The following RAB27B variants were observed in gnomAD, a reference collection of about 807,000 sequenced individuals.
RAB27B encodes the protein ras-related protein Rab-27B.
RAB27B carries 15 observed loss-of-function variants against 24.6 expected under a neutral mutation model. That is an observed-to-expected ratio of 0.61 (90% CI 0.41 to 0.94). The LOEUF (loss-of-function observed/expected upper bound fraction) is 0.94, where lower values mean the gene tolerates loss of function less well. Ranked by LOEUF, RAB27B falls within the 40% of genes least tolerant of loss-of-function variation. The pLI, the probability that RAB27B is intolerant of heterozygous loss-of-function variation, is 0.00. For missense variants in RAB27B, 261 were observed against 266.8 expected, an observed-to-expected ratio of 0.98 and a Z score of 0.15; for synonymous variants, 105 against 92.5, an observed-to-expected ratio of 1.14 and a Z score of -0.78.
chr18:54,847,289 T>A (rs1396982146), intron 1 of RAB27B, among the ~76,000 whole-genome samples: 1 of 152,184 alleles, frequency 6.6e-6, no homozygotes, highest in Non-Finnish European at 1.5e-5. Context: ...CTACTGCACA[T>A]GTGAAATTAT....
intron 1 of RAB27B, among the ~76,000 whole-genome samples, chr18:54,839,315 G>C (rs930071083): frequency 6.6e-6 from 1 of 152,064 alleles, no homozygotes; most frequent in Admixed American, 6.6e-5. Flanking sequence ...TGCAAATTCT[G>C]TTTTTTCCTA....
intron 2 of RAB27B, among the ~76,000 whole-genome samples, chr18:54,778,465 A>T (rs983969570): frequency 1.3e-5 from 2 of 152,304 alleles, no homozygotes; most frequent in East Asian, 3.9e-4. Flanking sequence ...AGATAACAAT[A>T]CCTGCAGACA....
At chr18:54,787,093 G>A (rs1358314687) in intron 2 of RAB27B, among the ~76,000 whole-genome samples, 2 of 152,136 alleles carry the variant, frequency 1.3e-5, no homozygotes, top group Non-Finnish European at 1.5e-5. Context: ...TACTAAAGAC[G>A]GAGTGATAGA....
At chr18:54,845,614 CT>C (rs1213974360) in intron 1 of RAB27B, among the ~76,000 whole-genome samples, 2 of 152,070 alleles carry the variant, frequency 1.3e-5, no homozygotes, top group African/African-American at 4.8e-5. Context: ...GTTGGACCCC[CT>C]GACTGCCCCC....
At chr18:54,883,696 C>T (rs985953949) in intron 3 of RAB27B, among the ~76,000 whole-genome samples, 3 of 152,102 alleles carry the variant, frequency 2.0e-5, no homozygotes, top group Admixed American at 6.6e-5. Flanking sequence ...TTCTTTCCTT[C>T]TTTCCCCAAT....
intron 2 of RAB27B, among the ~76,000 whole-genome samples, chr18:54,777,279 G>A (rs1350235643): frequency 1.3e-5 from 2 of 152,194 alleles, no homozygotes; most frequent in East Asian, 1.9e-4. Context: ...AACAGTGAGT[G>A]AGAAGGAAGA....
At chr18:54,745,819 T>C (rs867636390) in intron 2 of RAB27B, among the ~76,000 whole-genome samples, 2 of 147,228 alleles carry the variant, frequency 1.4e-5, no homozygotes, top group Admixed American at 6.9e-5. Context: ...AAATATTAAA[T>C]ATTTATATTT....
upstream of RAB27B, among the ~76,000 whole-genome samples, chr18:54,824,613 G>A (rs1327112487): frequency 1.3e-5 from 2 of 152,112 alleles, no homozygotes; most frequent in African/African-American, 4.8e-5. Flanking sequence ...TTATTTTATG[G>A]GCATACCCTG....
Position 54,890,807 on chromosome 18 carries a change from G to C in RAB27B, c.*1394G>C, listed in dbSNP as rs557681247. On this transcript the variant is annotated 3_prime_UTR_variant, in exon 6 of 6. Transcript: ENST00000262094. ...TGGCCAGTATTTTTGTTAATGTAAA[G>C]CTTCCTTTTCTTTCTAAAAAATAGT... 3 of 151,968 alleles carry C rather than the reference G, an allele frequency of 2.0e-5. No individual in the cohort carries two copies. Among genetic ancestry groups the C allele is most frequent in the African/African-American group, 7.2e-5 (3 of 41,396 alleles). The allele number at this position is 151,968 out of a possible 1,614,324, so 9.4% of individuals were successfully genotyped here.
At chr18:54,719,041 G>A (rs1221601763) in intron 2 of RAB27B, among the ~76,000 whole-genome samples, 1 of 116,946 alleles carries the variant, frequency 8.6e-6, no homozygotes, top group Non-Finnish European at 2.2e-5. Context: ...TTCATGGTAA[G>A]ATAAACATGT....
At chr18:54,736,733 G>T (rs966042683) in intron 2 of RAB27B, among the ~76,000 whole-genome samples, 6 of 152,072 alleles carry the variant, frequency 3.9e-5, no homozygotes, top group African/African-American at 1.4e-4. Context: ...GGCTAAGGGG[G>T]GTTTTGGAGG....
chr18:54,770,350 T>A (rs957547572), intron 2 of RAB27B, among the ~76,000 whole-genome samples: 8 of 152,094 alleles, frequency 5.3e-5, no homozygotes, highest in African/African-American at 1.9e-4. Flanking sequence ...GGCAGCGGCA[T>A]TAGATTCTCA....
chr18:54,885,165 T>C (rs1333688183), intron 4 of RAB27B, among the ~76,000 whole-genome samples: 2 of 152,224 alleles, frequency 1.3e-5, no homozygotes, highest in Non-Finnish European at 2.9e-5. Flanking sequence ...ATTTCATTTG[T>C]ATTTTTTATT....
chr18:54,881,298 T>C (rs1348600390), intron 3 of RAB27B, among the ~76,000 whole-genome samples: 3 of 152,094 alleles, frequency 2.0e-5, no homozygotes, highest in Non-Finnish European at 2.9e-5. Flanking sequence ...AGTAGTAGTT[T>C]TATTAGAAAA....
chr18:54,777,860 TC>T (rs10707747), intron 2 of RAB27B, among the ~76,000 whole-genome samples: 146,321 of 150,890 alleles, frequency 0.97, 71,116 homozygotes, highest in East Asian at 1. Flanking sequence ...GCATCCTCTC[TC>T]CCCCCCCACC....
At chr18:54,808,068 G>T (rs888940335) in intron 2 of RAB27B, among the ~76,000 whole-genome samples, 13 of 152,158 alleles carry the variant, frequency 8.5e-5, no homozygotes, top group African/African-American at 2.2e-4. Flanking sequence ...TAGAAGGAAG[G>T]TGTCCTTCAT....
rs1050759073 is a variant in RAB27B, at chr18:54,890,020, G to GTGTCA, written c.*609_*613dup. ...CACTTCTGTTAAAATGCAGGAGGTA[G>GTGTCA]TGTCATAATGCCGTCTTTATATTCT... On this transcript the variant is annotated 3_prime_UTR_variant, in exon 6 of 6. Transcript: ENST00000262094. The GTGTCA allele has an allele frequency of 1.8e-4, 28 of 152,248 alleles. No homozygotes were observed. The highest frequency in any genetic ancestry group is 6.5e-4 in the African/African-American group (27 of 41,570). 9.4% of individuals were successfully genotyped at this position (152,248 alleles called of 1,614,324 possible).
intron 2 of RAB27B, among the ~76,000 whole-genome samples, chr18:54,728,897 AAAACCCAAAAAAAAAAAAAAAAAAAAC>A: frequency 1.1e-5 from 1 of 90,602 alleles, no homozygotes; most frequent in African/African-American, 3.8e-5. Flanking sequence ...AAAAAAAAAA[AAAACCCAAAAAAAAAAAAAAAAAAAAC>A]CACCACCAAA....
At chr18:54,718,519 C>T (rs1299630052) in intron 2 of RAB27B, among the ~76,000 whole-genome samples, 1 of 152,270 alleles carries the variant, frequency 6.6e-6, no homozygotes, top group East Asian at 1.9e-4. Flanking sequence ...TTCTTTATTT[C>T]TGCAAATACT....
Sources: allele counts gnomAD v4.1 joint callset (sites outside exome capture counted in the v4.1 genomes callset), GRCh38; gene constraint gnomAD v4.1.1; transcripts MANE v1.5; gene names NCBI Gene and HGNC (gene_info 2026-07-23, HGNC 2026-07-21).